CNOT2: variants seen among roughly 807,000 people sequenced by gnomAD.
CNOT2 encodes CC chemokine receptor 4-negative regulator of transcription 2.
A neutral mutation model predicts 72.1 loss-of-function variants in CNOT2; 7 were observed. The ratio of observed to expected loss-of-function variants is 0.10; its 90% CI spans 0.06 to 0.18. The LOEUF (loss-of-function observed/expected upper bound fraction) is 0.18, where lower values mean the gene tolerates loss of function less well. CNOT2 is among the 10% of genes least tolerant of loss of function. The pLI, the probability that CNOT2 is intolerant of heterozygous loss-of-function variation, is 1.00. For synonymous variants in CNOT2, 196 were observed against 225.6 expected, an observed-to-expected ratio of 0.87 and a Z score of 1.17; for missense variants, 345 against 660.3, an observed-to-expected ratio of 0.52 and a Z score of 5.23.
intron 2 of CNOT2, among the ~76,000 whole-genome samples, chr12:70,290,441 G>A (rs1871691163): frequency 6.6e-6 from 1 of 151,994 alleles, no homozygotes; most frequent in South Asian, 2.1e-4. Flanking sequence ...CCACCAATCT[G>A]GAATCCCTCT....
At position 70,338,658 on chromosome 12, in the gene CNOT2, C is replaced by T. The variant is rs1184797740; in HGVS notation, c.1022-8C>T. 2 of 1,605,020 alleles carry T rather than the reference C, an allele frequency of 1.2e-6. No individual in the cohort carries two copies. The highest frequency in any genetic ancestry group is 1.3e-5 in the African/African-American group (1 of 74,166). ...GAAAATAAAAGCAACTGTGTTTTTC[C>T]TACCCAGGTCGGGTTACTAACATTC... On this transcript the variant is annotated splice_region_variant and splice_polypyrimidine_tract_variant and intron_variant, in intron 10 of 15. Transcript: ENST00000229195.
intron 1 of CNOT2, among the ~76,000 whole-genome samples, chr12:70,271,868 CA>C (rs1390670318): frequency 1.3e-5 from 2 of 152,092 alleles, no homozygotes; most frequent in Non-Finnish European, 2.9e-5. Context: ...CAACTTTAAA[CA>C]AAATTGAAAC....
chr12:70,252,256 G>A (rs1178306997), intron 1 of CNOT2, among the ~76,000 whole-genome samples: 1 of 151,918 alleles, frequency 6.6e-6, no homozygotes, highest in Non-Finnish European at 1.5e-5. Context: ...TCATGATCAC[G>A]GTGCACTGCA....
In CNOT2 at chr12:70,353,913, T is replaced by TAAAAA. The variant is rs35192504; in HGVS notation, c.*19_*23dup. 4.3e-4 allele frequency: 543 copies of TAAAAA among 1,274,902 alleles called. 7 individuals are homozygous for TAAAAA. In the African/African-American group the frequency reaches 5.0e-3, roughly 12 times the overall value. 79.0% of individuals were successfully genotyped at this position (1,274,902 alleles called of 1,614,324 possible). On this transcript the variant is annotated frameshift_variant and stop_retained_variant, in exon 16 of 16. Transcript: ENST00000229195. LOFTEE classifies it high-confidence loss of function. Reference sequence around the variant, plus strand: ...CTACAACCCTGCTCAGCAAGCCTTCTAAAAAAAAAAAAAAAAAAAAAAAAA... The same window carrying TAAAAA: ...CTACAACCCTGCTCAGCAAGCCTTCTAAAAAAAAAAAAAAAAAAAAAAAAAAAAAA...
chr12:70,315,462 CAG>C (rs1190628397), intron 3 of CNOT2, among the ~76,000 whole-genome samples: 13 of 152,004 alleles, frequency 8.6e-5, no homozygotes, highest in Admixed American at 6.6e-5. Flanking sequence ...GTATATTATA[CAG>C]AGTCTTTTAA....
chr12:70,255,660 T>A (rs1485054120), intron 1 of CNOT2, among the ~76,000 whole-genome samples: 1 of 152,180 alleles, frequency 6.6e-6, no homozygotes, highest in African/African-American at 2.4e-5. Flanking sequence ...ATGTGCTGAT[T>A]ATTTAATCGT....
chr12:70,270,294 C>T (rs1344591399), intron 1 of CNOT2, among the ~76,000 whole-genome samples: 1 of 152,110 alleles, frequency 6.6e-6, no homozygotes, highest in Middle Eastern at 3.2e-3. Flanking sequence ...ACATGATAAA[C>T]TGAAACTTAG....
At position 70,311,158 on chromosome 12, in the gene CNOT2, G is replaced by C. The variant is rs1462037490; in HGVS notation, c.171+141G>C. ...CACAGTGCTAGTCCCTTTGGTGCTT[G>C]TATCCTTTTGGGATACAAAGACAAT... On this transcript the variant is annotated intron_variant, in intron 3 of 15. Coordinates refer to ENST00000229195, the MANE Select transcript of CNOT2 (RefSeq NM_014515.7). The C allele has an allele frequency of 5.5e-6, 3 of 548,050 alleles. No homozygotes were observed. In the East Asian group the frequency reaches 9.0e-5, roughly 16 times the overall value. The allele number at this position is 548,050 out of a possible 1,614,324, so 33.9% of individuals were successfully genotyped here.
At chr12:70,318,535 A>G (rs934684212) in intron 3 of CNOT2, among the ~76,000 whole-genome samples, 9 of 151,836 alleles carry the variant, frequency 5.9e-5, no homozygotes, top group African/African-American at 1.9e-4. Flanking sequence ...AGACCCCTTC[A>G]TTGTATGTAC....
At chr12:70,259,214 TC>T (rs1268974137) in intron 1 of CNOT2, among the ~76,000 whole-genome samples, 2 of 152,150 alleles carry the variant, frequency 1.3e-5, no homozygotes, top group African/African-American at 4.8e-5. Context: ...TTTGTACTGT[TC>T]TTGTTCAAGC....
At chr12:70,256,889 G>C (rs1958479205) in intron 1 of CNOT2, among the ~76,000 whole-genome samples, 1 of 152,130 alleles carries the variant, frequency 6.6e-6, no homozygotes, top group Non-Finnish European at 1.5e-5. Context: ...GAAGAAATTG[G>C]AGTAGACATG....
At chr12:70,304,887 C>G (rs1005782139) in intron 2 of CNOT2, among the ~76,000 whole-genome samples, 2 of 152,198 alleles carry the variant, frequency 1.3e-5, no homozygotes, top group African/African-American at 4.8e-5. Flanking sequence ...GCACCCCTCC[C>G]CCAGCCTGGC....
intron 1 of CNOT2, among the ~76,000 whole-genome samples, chr12:70,252,794 A>G (rs1006609393): frequency 5.3e-5 from 8 of 152,212 alleles, no homozygotes; most frequent in African/African-American, 1.9e-4. Context: ...ACAAAGAAAA[A>G]TGTAGATAAA....
intron 2 of CNOT2, among the ~76,000 whole-genome samples, chr12:70,281,806 A>T (rs1483950793): frequency 9.0e-6 from 1 of 111,070 alleles, no homozygotes; most frequent in Non-Finnish European, 2.2e-5. Context: ...AACTAGTCAC[A>T]AGTAGCTATT....
At chr12:70,253,193 G>T (rs1269883663) in intron 1 of CNOT2, among the ~76,000 whole-genome samples, 2 of 152,188 alleles carry the variant, frequency 1.3e-5, no homozygotes, top group Admixed American at 1.3e-4. Flanking sequence ...AATCTAATGG[G>T]TTAGGATTCA....
intron 1 of CNOT2, among the ~76,000 whole-genome samples, chr12:70,251,769 T>G (rs1958153446): frequency 4.6e-5 from 7 of 152,224 alleles, no homozygotes. Flanking sequence ...TAGTCTATCT[T>G]TTAGAGAACT....
chr12:70,259,750 A>G (rs1958656958), intron 1 of CNOT2, among the ~76,000 whole-genome samples: 1 of 152,192 alleles, frequency 6.6e-6, no homozygotes. Context: ...TGTTGAATGA[A>G]TGCATATAAT....
intron 1 of CNOT2, among the ~76,000 whole-genome samples, chr12:70,245,772 T>C (rs897165315): frequency 5.3e-5 from 8 of 152,164 alleles, no homozygotes; most frequent in Non-Finnish European, 1.2e-4. Context: ...CAACTTCCCA[T>C]ATACCTCCCT....
intron 4 of CNOT2, among the ~76,000 whole-genome samples, chr12:70,328,810 CT>C (rs1879482347): frequency 6.6e-6 from 1 of 150,644 alleles, no homozygotes; most frequent in Non-Finnish European, 1.5e-5. Flanking sequence ...ATTTTGACGT[CT>C]TTTTAAATGT....
Sources: gnomAD v4.1 joint callset for allele counts (sites outside exome capture counted in the v4.1 genomes callset) on GRCh38, gnomAD v4.1.1 for gene constraint, MANE v1.5 for transcripts, NCBI Gene and HGNC (gene_info 2026-07-23, HGNC 2026-07-21) for gene names.